The following VPS13D variants were observed in gnomAD, a reference collection of about 807,000 sequenced individuals.
VPS13D encodes the protein intermembrane lipid transfer protein VPS13D.
VPS13D carries 187 observed loss-of-function variants against 461.9 expected under a neutral mutation model. That is an observed-to-expected ratio of 0.40 (90% CI 0.36 to 0.46). The LOEUF (loss-of-function observed/expected upper bound fraction) is 0.46. Among genes scored for constraint, VPS13D ranks in the 20% least tolerant of loss-of-function variants. The probability of loss-of-function intolerance (pLI) is 0.60; values close to 1 mark genes in which losing one functional copy is unlikely to be tolerated. For synonymous variants in VPS13D, 1,951 were observed against 1,986.3 expected (o/e 0.98, Z 0.47); for missense variants, 4,711 against 5,364.9 (o/e 0.88, Z 3.81).
At chr1:12,479,092 A>C (rs1645676792) in intron 67 of VPS13D, among the ~76,000 whole-genome samples, 2 of 152,212 alleles carry the variant, frequency 1.3e-5, no homozygotes, top group Admixed American at 6.5e-5. Flanking sequence ...AACTCTGTCC[A>C]TTCAATAGGG....
intron 65 of VPS13D, among the ~76,000 whole-genome samples, chr1:12,451,145 C>G (rs1032564668): frequency 1.3e-5 from 2 of 152,110 alleles, no homozygotes; most frequent in Non-Finnish European, 2.9e-5. Flanking sequence ...TTTCCCTTGC[C>G]CCATTCCAGT....
intron 55 of VPS13D, among the ~76,000 whole-genome samples, chr1:12,374,461 G>T (rs1037327092): frequency 6.6e-6 from 1 of 152,110 alleles, no homozygotes; most frequent in Non-Finnish European, 1.5e-5. Flanking sequence ...CCAAAGTGGG[G>T]CTGTGATGTT....
At chr1:12,366,024 A>C (rs930171837) in intron 52 of VPS13D, among the ~76,000 whole-genome samples, 1 of 151,670 alleles carries the variant, frequency 6.6e-6, no homozygotes, top group African/African-American at 2.4e-5. Context: ...CTGCCTACTG[A>C]GTAGCTAGGA....
chr1:12,280,974 G>A (rs1201467684), intron 20 of VPS13D, among the ~76,000 whole-genome samples: 1 of 151,740 alleles, frequency 6.6e-6, no homozygotes, highest in East Asian at 1.9e-4. Flanking sequence ...AAGAATGTAA[G>A]CCTATACAAA....
chr1:12,448,540 C>G (rs1645222873), intron 65 of VPS13D, among the ~76,000 whole-genome samples: 1 of 152,162 alleles, frequency 6.6e-6, no homozygotes, highest in Admixed American at 6.5e-5. Context: ...GCCAAAAAGT[C>G]CTACACTGGG....
chr1:12,249,934 A>G (rs1640681356), intron 6 of VPS13D, among the ~76,000 whole-genome samples: 1 of 152,208 alleles, frequency 6.6e-6, no homozygotes, highest in African/African-American at 2.4e-5. Context: ...GTAAGGGCTT[A>G]GTCCCATAGG....
At chr1:12,439,740 G>A (rs1400765535) in intron 65 of VPS13D, among the ~76,000 whole-genome samples, 1 of 152,134 alleles carries the variant, frequency 6.6e-6, no homozygotes, top group African/African-American at 2.4e-5. Flanking sequence ...TTGATAGGAG[G>A]GAAGAAAGGG....
intron 65 of VPS13D, among the ~76,000 whole-genome samples, chr1:12,439,979 G>T (rs146969518): frequency 6.6e-6 from 1 of 152,252 alleles, no homozygotes; most frequent in African/African-American, 2.4e-5. Context: ...AGTGAATATT[G>T]GCTCTATGAA....
intron 35 of VPS13D, 90 bp downstream of exon 35, chr1:12,323,870 AGAGCT>A: frequency 7.3e-7 from 1 of 1,367,322 alleles, no homozygotes; most frequent in Non-Finnish European, 1.0e-6. Flanking sequence ...GGTGACTTAG[AGAGCT>A]GAGTGTGTTT....
In VPS13D at chr1:12,277,042, G is replaced by T. The variant is rs775155952; in HGVS notation, c.3454G>T (p.Glu1152Ter). ...LMTDFERSFREQGTYQSTYEQ... is the reference protein window; with the variant it reads ...LMTDFERSFR ...GACTGATTTTGAAAGAAGCTTCAGA[G>T]AACAAGGAACTTACCAGTCTACATA... Residue 1152 changes from glutamate (E) to a stop codon, truncating the protein, a stop_gained, in exon 19 of 70, where the codon GAA becomes TAA. Coordinates refer to ENST00000620676, the MANE Select transcript of VPS13D (RefSeq NM_015378.4). LOFTEE classifies it high-confidence loss of function. 1 of 1,614,090 alleles carries T rather than the reference G, an allele frequency of 6.2e-7. No individual in the cohort carries two copies. The highest frequency in any genetic ancestry group is 1.1e-5 in the South Asian group (1 of 91,040).
At chr1:12,484,327 C>CCTACAGAGT (rs1172479054) in intron 67 of VPS13D, among the ~76,000 whole-genome samples, 1 of 152,202 alleles carries the variant, frequency 6.6e-6, no homozygotes, top group African/African-American at 2.4e-5. Flanking sequence ...GGCTAGGTTT[C>CCTACAGAGT]CTACAGAGTC....
rs766563137 is a variant in VPS13D at position 12,342,879 on chromosome 1, G to A, written c.8733-20G>A. On this transcript the variant is annotated intron_variant, in intron 41 of 69. Transcript: ENST00000620676. ...TGGGAAGAAACAGGGACAGGCTGAT[G>A]TCATCTGATTTGGTTCCAGAGCTGC... 9 of 1,601,920 alleles carry A rather than the reference G, an allele frequency of 5.6e-6. No homozygotes were observed. The highest frequency in any genetic ancestry group is 6.8e-6 in the Non-Finnish European group (8 of 1,170,982).
At position 12,283,532 on chromosome 1, in the gene VPS13D, TG is replaced by T; in HGVS notation, c.5431del (p.Asp1811MetfsTer10). On this transcript the variant is annotated frameshift_variant, in exon 21 of 70. Transcript: ENST00000620676. LOFTEE classifies it high-confidence loss of function. Reference sequence around the variant, plus strand: ...GTTACAATCGAGTTAACCGGAGCATTGATGTTGATTTTAATTGCTTGGATGT... The same window carrying T: ...GTTACAATCGAGTTAACCGGAGCATTATGTTGATTTTAATTGCTTGGATGT... ...SSYNRVNRSIDVDFNCLDVLI... is the reference protein window; with the variant it reads ...SSYNRVNRSIXVDFNCLDVLI... 1 of 1,614,082 alleles carries T rather than the reference TG, an allele frequency of 6.2e-7. No individual in the cohort carries two copies. Among genetic ancestry groups the T allele is most frequent in the East Asian group, 2.2e-5 (1 of 44,904 alleles).
chr1:12,466,173 A>G (rs756097031), intron 67 of VPS13D, among the ~76,000 whole-genome samples: 27 of 151,988 alleles, frequency 1.8e-4, no homozygotes, highest in Non-Finnish European at 3.4e-4. Flanking sequence ...AACTTAGGAA[A>G]TGCTTCCATT....
intron 60 of VPS13D, among the ~76,000 whole-genome samples, chr1:12,398,322 A>G (rs977168201): frequency 6.6e-6 from 1 of 152,098 alleles, no homozygotes; most frequent in African/African-American, 2.4e-5. Context: ...TCTTCCACTT[A>G]CAAGCTGTGC....
At chr1:12,231,989 T>G (rs555429427) in intron 1 of VPS13D, among the ~76,000 whole-genome samples, 150 of 152,280 alleles carry the variant, frequency 9.9e-4, no homozygotes, top group African/African-American at 3.6e-3. Context: ...AGCAACACTC[T>G]GTCTCCAGAA....
intron 65 of VPS13D, among the ~76,000 whole-genome samples, chr1:12,450,280 G>A (rs749459194): frequency 8.5e-5 from 13 of 152,088 alleles, no homozygotes; most frequent in Non-Finnish European, 1.6e-4. Flanking sequence ...TGACTACATC[G>A]TGGCAACTCC....
chr1:12,488,669 C>A (rs990652089), intron 67 of VPS13D, among the ~76,000 whole-genome samples: 48 of 82,776 alleles, frequency 5.8e-4, no homozygotes, highest in Admixed American at 1.2e-3. Context: ...TCATTTGAAC[C>A]AAAAAAAAAA....
chr1:12,256,630 T>G, intron 8 of VPS13D, 127 bp downstream of exon 8: 2 of 1,073,702 alleles, frequency 1.9e-6, no homozygotes, highest in South Asian at 3.2e-5. Context: ...CAGACTAAAG[T>G]TGTGTTAGGT....
Sources: gnomAD v4.1 joint callset for allele counts (sites outside exome capture counted in the v4.1 genomes callset) on GRCh38, gnomAD v4.1.1 for gene constraint, MANE v1.5 for transcripts, NCBI Gene and HGNC (gene_info 2026-07-23, HGNC 2026-07-21) for gene names.